AGBL4: variants seen among roughly 807,000 people sequenced by gnomAD.
AGBL4 encodes the protein cytosolic carboxypeptidase 6.
In AGBL4, 58 loss-of-function variants were observed where a neutral mutation model predicts 66.4. The observed-to-expected ratio is 0.87, with a 90% CI of 0.71 to 1.09. The LOEUF (loss-of-function observed/expected upper bound fraction) is 1.09, where lower values mean the gene tolerates loss of function less well. AGBL4 is among the 50% of genes least tolerant of loss of function. The probability of loss-of-function intolerance (pLI) is 0.00; values close to 1 mark genes in which losing one functional copy is unlikely to be tolerated. For synonymous variants in AGBL4, 234 were observed against 222.9 expected, an observed-to-expected ratio of 1.05 and a Z score of -0.44; for missense variants, 579 against 631.0, an observed-to-expected ratio of 0.92 and a Z score of 0.88.
At chr1:49,577,778 T>C (rs562830271) in intron 3 of AGBL4, among the ~76,000 whole-genome samples, 16 of 152,328 alleles carry the variant, frequency 1.1e-4, no homozygotes, top group South Asian at 2.1e-4. Context: ...GCTGGATTGA[T>C]AGAATGATGG....
chr1:48,681,148 A>G (rs1400935127), intron 6 of AGBL4, among the ~76,000 whole-genome samples: 1 of 152,204 alleles, frequency 6.6e-6, no homozygotes, highest in Non-Finnish European at 1.5e-5. Flanking sequence ...ATCCTCTGGT[A>G]TACTATCTGG....
chr1:49,228,005 A>C (rs540780565), intron 4 of AGBL4, among the ~76,000 whole-genome samples: 48 of 152,246 alleles, frequency 3.2e-4, no homozygotes, highest in African/African-American at 1.1e-3. Context: ...AGATCTCTAT[A>C]CTGTGATATC....
chr1:48,762,611 GTTTTGT>G (rs772789861), intron 6 of AGBL4, among the ~76,000 whole-genome samples: 1 of 89,658 alleles, frequency 1.1e-5, no homozygotes, highest in Admixed American at 1.3e-4. Context: ...GTCTTTAAGG[GTTTTGT>G]GTGTGTGTGT....
chr1:49,828,778 A>C (rs1645576971), intron 2 of AGBL4, among the ~76,000 whole-genome samples: 1 of 152,218 alleles, frequency 6.6e-6, no homozygotes, highest in Admixed American at 6.5e-5. Flanking sequence ...CTTGAGTGAA[A>C]GGAAGCAAGA....
intron 11 of AGBL4, among the ~76,000 whole-genome samples, chr1:48,555,424 C>T (rs925412102): frequency 6.6e-6 from 1 of 152,146 alleles, no homozygotes; most frequent in African/African-American, 2.4e-5. Flanking sequence ...AGTTGAATGG[C>T]ATGAAACAGC....
intron 3 of AGBL4, among the ~76,000 whole-genome samples, chr1:49,479,648 T>A (rs921472482): frequency 2.0e-5 from 3 of 151,996 alleles, no homozygotes; most frequent in Non-Finnish European, 4.4e-5. Context: ...TTCTTTTTTT[T>A]ATAGCTGCAC....
intron 4 of AGBL4, among the ~76,000 whole-genome samples, chr1:49,132,937 C>A (rs553834184): frequency 6.6e-6 from 1 of 152,272 alleles, no homozygotes; most frequent in Admixed American, 6.5e-5. Context: ...GACACATGCA[C>A]ACGTAGGTTT....
chr1:48,736,571 A>T lies in AGBL4; in HGVS notation c.635-73330T>A, dbSNP rs1362866066. On this transcript the variant is annotated intron_variant, in intron 6 of 13. Transcript: ENST00000371839. The surrounding 1 kb of genome is among the most constrained non-coding windows in gnomAD (Gnocchi z 4.0). ...TAAGAGATTCATGTCATAAATATGA[A>T]ATTAACTCTCTTTAAGGGTAATCGT... is the stretch of plus-strand genomic sequence containing the variant. The T allele has an allele frequency of 2.7e-5, 22 of 828,966 alleles. No homozygotes were observed. Among genetic ancestry groups the T allele is most frequent in the Non-Finnish European group, 4.0e-5 (21 of 519,208 alleles). The allele number at this position is 828,966 out of a possible 1,614,324, so 51.4% of individuals were successfully genotyped here.
At chr1:48,972,573 G>A (rs1315557773) in intron 5 of AGBL4, among the ~76,000 whole-genome samples, 3 of 152,074 alleles carry the variant, frequency 2.0e-5, no homozygotes, top group Non-Finnish European at 4.4e-5. Flanking sequence ...GCCTGAGGTA[G>A]GTGACTTTCT....
At chr1:49,734,831 TAA>T (rs1649736289) in intron 2 of AGBL4, among the ~76,000 whole-genome samples, 1 of 151,934 alleles carries the variant, frequency 6.6e-6, no homozygotes, top group Non-Finnish European at 1.5e-5. Context: ...AAAATAATAA[TAA>T]TCATGGGAAA....
chr1:49,231,359 T>C (rs1313181868), intron 4 of AGBL4, among the ~76,000 whole-genome samples: 1 of 152,174 alleles, frequency 6.6e-6, no homozygotes, highest in East Asian at 1.9e-4. Context: ...AGCGCAATAC[T>C]TAGGAGACTC....
chr1:49,630,646 C>T (rs1645552401), intron 3 of AGBL4, among the ~76,000 whole-genome samples: 1 of 152,112 alleles, frequency 6.6e-6, no homozygotes, highest in Admixed American at 6.6e-5. Context: ...CCCTCGAAAC[C>T]CAATCTCCTG....
chr1:48,612,703 A>G, intron 9 of AGBL4, among the ~76,000 whole-genome samples: 1 of 152,242 alleles, frequency 6.6e-6, no homozygotes, highest in East Asian at 1.9e-4. Context: ...ACAGAAATAC[A>G]CTATAAATAT....
chr1:48,747,470 C>T (rs1407213555), intron 6 of AGBL4, among the ~76,000 whole-genome samples: 2 of 152,188 alleles, frequency 1.3e-5, no homozygotes, highest in Non-Finnish European at 2.9e-5. Flanking sequence ...GCAAGAGGCA[C>T]TGGGGACCCA....
intron 2 of AGBL4, among the ~76,000 whole-genome samples, chr1:49,766,662 C>T (rs967713112): frequency 6.6e-6 from 1 of 151,328 alleles, no homozygotes; most frequent in Non-Finnish European, 1.5e-5. Context: ...AAAAAGGACC[C>T]TTCCATCCAC....
At chr1:49,792,088 G>A (rs756508468) in intron 2 of AGBL4, among the ~76,000 whole-genome samples, 7 of 151,906 alleles carry the variant, frequency 4.6e-5, no homozygotes, top group East Asian at 1.9e-4. Context: ...GCAGCATCAC[G>A]GACATATTCT....
intron 3 of AGBL4, among the ~76,000 whole-genome samples, chr1:49,619,839 G>T (rs934667351): frequency 3.9e-5 from 6 of 152,004 alleles, no homozygotes; most frequent in African/African-American, 7.2e-5. Flanking sequence ...CATCTGATCT[G>T]CGACAAACCT....
chr1:49,852,957 A>G (rs1355861615), intron 1 of AGBL4, among the ~76,000 whole-genome samples: 2 of 152,134 alleles, frequency 1.3e-5, no homozygotes, highest in Non-Finnish European at 2.9e-5. Context: ...CTGAACTCCA[A>G]GCTAGGTTGA....
chr1:48,970,902 G>T (rs182150041), intron 5 of AGBL4, among the ~76,000 whole-genome samples: 2 of 152,130 alleles, frequency 1.3e-5, no homozygotes, highest in Admixed American at 6.5e-5. Context: ...GTGTACAGAG[G>T]TTCTATGATT....
Sources: allele counts gnomAD v4.1 joint callset (sites outside exome capture counted in the v4.1 genomes callset), GRCh38; gene constraint gnomAD v4.1.1; non-coding constraint Gnocchi (gnomAD v3.1); transcripts MANE v1.5; gene names NCBI Gene and HGNC (gene_info 2026-07-23, HGNC 2026-07-21).